DGKI: variants seen among roughly 807,000 people sequenced by gnomAD.
DGKI encodes diacylglycerol kinase iota.
A neutral mutation model predicts 147.5 loss-of-function variants in DGKI; 55 were observed. That is an observed-to-expected ratio of 0.37 (90% confidence interval 0.30 to 0.47). The LOEUF (loss-of-function observed/expected upper bound fraction) is 0.47. Among genes scored for constraint, DGKI ranks in the 20% least tolerant of loss-of-function variants. The probability of loss-of-function intolerance (pLI) is 1.00; values close to 1 mark genes in which losing one functional copy is unlikely to be tolerated. For synonymous variants in DGKI, 469 were observed against 477.1 expected (o/e 0.98, Z 0.22); for missense variants, 1,007 against 1,323.8 (o/e 0.76, Z 3.71).
At chr7:137,828,644 C>T (rs1237271968) in intron 1 of DGKI, among the ~76,000 whole-genome samples, 2 of 152,174 alleles carry the variant, frequency 1.3e-5, no homozygotes, top group African/African-American at 4.8e-5. Context: ...TTTTAGAACA[C>T]CCTTGTGTGC....
At chr7:137,541,380 C>T (rs927239048) in intron 20 of DGKI, among the ~76,000 whole-genome samples, 18 of 152,190 alleles carry the variant, frequency 1.2e-4, no homozygotes, top group African/African-American at 4.3e-4. Context: ...CGAACATGTA[C>T]AGACTATTTA....
chr7:137,429,648 T>C (rs887830726), intron 28 of DGKI, among the ~76,000 whole-genome samples: 1 of 151,676 alleles, frequency 6.6e-6, no homozygotes, highest in African/African-American at 2.4e-5. Flanking sequence ...TTTCACAACC[T>C]ACTCATCTGA....
intron 1 of DGKI, among the ~76,000 whole-genome samples, chr7:137,812,354 T>TATC (rs796939734): frequency 3.2e-4 from 49 of 152,312 alleles, no homozygotes; most frequent in African/African-American, 1.1e-3. Flanking sequence ...AAATGTTGAC[T>TATC]ATCATCATCA....
chr7:137,783,473 A>C (rs967575160), intron 1 of DGKI, among the ~76,000 whole-genome samples: 3 of 152,262 alleles, frequency 2.0e-5, no homozygotes, highest in African/African-American at 7.2e-5. Context: ...AAGAAGTTTG[A>C]GACTATGTTA....
chr7:137,447,587 T>C (rs1813764079), intron 27 of DGKI, among the ~76,000 whole-genome samples: 2 of 152,306 alleles, frequency 1.3e-5, no homozygotes, highest in African/African-American at 4.8e-5. Flanking sequence ...AGTACAGATA[T>C]GAAATTGCAT....
chr7:137,431,050 A>G (rs1033041806), intron 28 of DGKI, among the ~76,000 whole-genome samples: 6 of 152,152 alleles, frequency 3.9e-5, no homozygotes, highest in Non-Finnish European at 8.8e-5. Flanking sequence ...GTTTAAATAT[A>G]TAGCAGAAAG....
At chr7:137,783,084 G>A (rs925687796) in intron 1 of DGKI, among the ~76,000 whole-genome samples, 4 of 152,114 alleles carry the variant, frequency 2.6e-5, no homozygotes, top group East Asian at 1.9e-4. Context: ...TTAACACCCT[G>A]AAAAATCATA....
intron 19 of DGKI, among the ~76,000 whole-genome samples, chr7:137,565,885 T>C (rs1478937159): frequency 1.3e-5 from 2 of 152,102 alleles, no homozygotes; most frequent in Admixed American, 6.5e-5. Flanking sequence ...ACCAGTAAAA[T>C]GAATTGAAGA....
intron 2 of DGKI, among the ~76,000 whole-genome samples, chr7:137,687,055 T>C (rs1262898443): frequency 6.6e-6 from 1 of 152,136 alleles, no homozygotes; most frequent in Non-Finnish European, 1.5e-5. Context: ...GCCTTTGAGA[T>C]GACCCCCATT....
intron 3 of DGKI, among the ~76,000 whole-genome samples, chr7:137,670,117 C>T (rs190404443): frequency 6.6e-6 from 1 of 152,266 alleles, no homozygotes; most frequent in Admixed American, 6.5e-5. Flanking sequence ...TGGTCATGAG[C>T]TCCTTTTAAT....
chr7:137,678,924 C>T (rs1033045503), intron 2 of DGKI, among the ~76,000 whole-genome samples: 2 of 152,128 alleles, frequency 1.3e-5, no homozygotes, highest in Non-Finnish European at 2.9e-5. Flanking sequence ...ACATATTCAA[C>T]AAATGAGGAA....
rs549314556 is a variant in DGKI at position 137,422,730 on chromosome 7, G to A, written c.2762-10523C>T. Among the ~76,000 whole-genome samples the A allele has an allele frequency of 1.3e-4, 19 of 148,654 alleles. No individual in the cohort carries two copies. In the South Asian group the frequency reaches 3.5e-3, roughly 27 times the overall value. ...CGCAATTCTCCTGCCTCAGCCTCTC[G>A]AGTAGCTGGGACTACAGGCGCCCGC... is the stretch of plus-strand genomic sequence containing the variant. On this transcript the variant is annotated intron_variant, in intron 28 of 32. Transcript: ENST00000614521.
At chr7:137,408,251 T>G (rs1456545313) in intron 29 of DGKI, among the ~76,000 whole-genome samples, 3 of 152,202 alleles carry the variant, frequency 2.0e-5, no homozygotes, top group Non-Finnish European at 4.4e-5. Context: ...CTGAATTACT[T>G]TTTTCATTTA....
intron 1 of DGKI, among the ~76,000 whole-genome samples, chr7:137,711,385 T>C (rs1231779806): frequency 2.6e-5 from 4 of 152,156 alleles, no homozygotes; most frequent in Admixed American, 6.5e-5. Context: ...CATTGCAATA[T>C]AGTCATACAA....
At chr7:137,730,292 T>C (rs1165110522) in intron 1 of DGKI, among the ~76,000 whole-genome samples, 10 of 152,238 alleles carry the variant, frequency 6.6e-5, no homozygotes, top group African/African-American at 2.2e-4. Flanking sequence ...GATGCCTTTC[T>C]GGGATTTTAC....
At chr7:137,620,452 T>C (rs190864981) in intron 7 of DGKI, among the ~76,000 whole-genome samples, 29 of 152,272 alleles carry the variant, frequency 1.9e-4, no homozygotes, top group African/African-American at 6.7e-4. Flanking sequence ...TTTCCTATCA[T>C]AGATATAAAT....
chr7:137,430,561 A>G (rs1005299364), intron 28 of DGKI, among the ~76,000 whole-genome samples: 1 of 152,000 alleles, frequency 6.6e-6, no homozygotes, highest in Non-Finnish European at 1.5e-5. Flanking sequence ...TAATAATAAT[A>G]AAATAAAAAA....
In DGKI at chr7:137,596,768, C is replaced by G. The variant is rs143379231; in HGVS notation, c.1311+1079G>C. 2.4e-3 allele frequency among the ~76,000 whole-genome samples: 366 copies of G among 152,314 alleles called. 3 individuals are homozygous for G. Among genetic ancestry groups the G allele is most frequent in the African/African-American group, 8.4e-3 (350 of 41,586 alleles). ...AAAAATCACAGTTCTATTTCATTCT[C>G]ATTGCATTTATTGGTATATAATGTG... On this transcript the variant is annotated intron_variant, in intron 12 of 32. Coordinates refer to ENST00000614521, the MANE Select transcript of DGKI (RefSeq NM_001321708.2).
At chr7:137,421,211 A>T (rs564072124) in intron 28 of DGKI, among the ~76,000 whole-genome samples, 44 of 152,208 alleles carry the variant, frequency 2.9e-4, no homozygotes, top group Admixed American at 1.7e-3. Flanking sequence ...CCTTCTCATC[A>T]TCCCTGGGAT....
Sources: allele counts gnomAD v4.1 joint callset (sites outside exome capture counted in the v4.1 genomes callset), GRCh38; gene constraint gnomAD v4.1.1; transcripts MANE v1.5; gene names NCBI Gene and HGNC (gene_info 2026-07-23, HGNC 2026-07-21).